DEPTOR: variants seen among roughly 807,000 people sequenced by gnomAD.
DEPTOR encodes the protein DEP domain containing MTOR interacting protein, also known as DEP domain-containing mTOR-interacting protein.
In DEPTOR, 41 loss-of-function variants were observed where a neutral mutation model predicts 41.6. The observed-to-expected ratio is 0.98, with a 90% CI of 0.77 to 1.28. The LOEUF (loss-of-function observed/expected upper bound fraction) is 1.28. Among genes scored for constraint, DEPTOR ranks in the 50% most tolerant of loss-of-function variants. DEPTOR has a pLI of 0.00. For synonymous variants in DEPTOR, 195 were observed against 192.3 expected, an observed-to-expected ratio of 1.01 and a Z score of -0.12; for missense variants, 514 against 527.9, an observed-to-expected ratio of 0.97 and a Z score of 0.26.
chr8:119,950,134 C>T (rs1408373299), intron 3 of DEPTOR, among the ~76,000 whole-genome samples: 1 of 152,174 alleles, frequency 6.6e-6, no homozygotes, highest in East Asian at 1.9e-4. Context: ...GAAAGGACGA[C>T]CCTTTCCTCG....
At chr8:119,952,892 G>A (rs1828371750) in intron 3 of DEPTOR, among the ~76,000 whole-genome samples, 1 of 152,170 alleles carries the variant, frequency 6.6e-6, no homozygotes, top group South Asian at 2.1e-4. Flanking sequence ...CTCGTTGTCA[G>A]ACTATAAAGT....
chr8:119,994,606 G>A (rs1387389323), intron 4 of DEPTOR, among the ~76,000 whole-genome samples: 1 of 152,102 alleles, frequency 6.6e-6, no homozygotes, highest in East Asian at 1.9e-4. Context: ...ACTGCTCGGA[G>A]AAGGGCAATG....
At chr8:119,918,436 ACCTTTATTTATTTATTTATT>A (rs1193386998) in intron 1 of DEPTOR, among the ~76,000 whole-genome samples, 8 of 148,440 alleles carry the variant, frequency 5.4e-5, no homozygotes, top group Admixed American at 4.0e-4. Context: ...GGCATGGACC[ACCTTTATTTATTTATTTATT>A]TATTTATTTA....
chr8:119,971,621 C>T (rs926585896), intron 4 of DEPTOR, among the ~76,000 whole-genome samples: 2 of 152,134 alleles, frequency 1.3e-5, no homozygotes, highest in African/African-American at 4.8e-5. Context: ...CAGGTCCAGA[C>T]TTAGGCAGGT....
chr8:119,988,543 T>A (rs575831056), intron 4 of DEPTOR, among the ~76,000 whole-genome samples: 1 of 152,214 alleles, frequency 6.6e-6, no homozygotes, highest in South Asian at 2.1e-4. Flanking sequence ...AGTGCAGTGG[T>A]GTGATCTTGG....
At chr8:120,019,381 G>C (rs201943029) in intron 8 of DEPTOR, among the ~76,000 whole-genome samples, 1 of 152,100 alleles carries the variant, frequency 6.6e-6, no homozygotes, top group East Asian at 1.9e-4. Flanking sequence ...GTGCACACTG[G>C]TGTCACTCTC....
chr8:119,905,306 G>A (rs1023452446), intron 1 of DEPTOR, among the ~76,000 whole-genome samples: 11 of 152,138 alleles, frequency 7.2e-5, no homozygotes, highest in Non-Finnish European at 1.6e-4. Flanking sequence ...AGAAGGATGT[G>A]CAAGGTGCAA....
intron 4 of DEPTOR, among the ~76,000 whole-genome samples, chr8:119,967,739 G>T (rs1828581467): frequency 7.3e-6 from 1 of 136,246 alleles, no homozygotes; most frequent in African/African-American, 2.9e-5. Flanking sequence ...GGGTGGCAGA[G>T]CAAGACTTCG....
chr8:119,917,956 C>G (rs1827835932), intron 1 of DEPTOR, among the ~76,000 whole-genome samples: 1 of 152,212 alleles, frequency 6.6e-6, no homozygotes, highest in Non-Finnish European at 1.5e-5. Flanking sequence ...ATCTAAAGCA[C>G]AGCACTTAAT....
At chr8:120,048,855 A>G (rs1563603121) in intron 8 of DEPTOR, among the ~76,000 whole-genome samples, 1 of 152,046 alleles carries the variant, frequency 6.6e-6, no homozygotes, top group Admixed American at 6.6e-5. Flanking sequence ...GAAGAGGAGA[A>G]ATTACTTGAT....
At chr8:120,020,707 C>A (rs1170061029) in intron 8 of DEPTOR, among the ~76,000 whole-genome samples, 1 of 152,164 alleles carries the variant, frequency 6.6e-6, no homozygotes, top group Non-Finnish European at 1.5e-5. Context: ...AGCTTCACCA[C>A]TTTTATAGGA....
intron 4 of DEPTOR, among the ~76,000 whole-genome samples, chr8:119,970,872 A>C (rs1278880087): frequency 6.6e-6 from 1 of 151,868 alleles, no homozygotes; most frequent in Non-Finnish European, 1.5e-5. Flanking sequence ...ACACGTGTGC[A>C]ATATCTCCAC....
intron 4 of DEPTOR, among the ~76,000 whole-genome samples, chr8:119,974,235 TAAAAAAAAAAAA>T (rs35885551): frequency 1.1e-4 from 8 of 74,910 alleles, no homozygotes; most frequent in East Asian, 4.8e-4. Context: ...CTTGTCTCTT[TAAAAAAAAAAAA>T]AAAAAAAAAA....
At chr8:120,038,912 C>A (rs888724883) in intron 8 of DEPTOR, among the ~76,000 whole-genome samples, 1 of 152,156 alleles carries the variant, frequency 6.6e-6, no homozygotes, top group African/African-American at 2.4e-5. Flanking sequence ...TGAAATTACA[C>A]ATGTAAAGAG....
chr8:120,049,507 G>A, intron 8 of DEPTOR, 69 bp from the exon 9 acceptor site: 1 of 1,566,048 alleles, frequency 6.4e-7, no homozygotes, highest in Non-Finnish European at 8.7e-7. Context: ...GCTACACACT[G>A]TCTTTATTAA....
At chr8:119,978,718 A>G (rs1319072658) in intron 4 of DEPTOR, among the ~76,000 whole-genome samples, 1 of 152,110 alleles carries the variant, frequency 6.6e-6, no homozygotes, top group East Asian at 1.9e-4. Flanking sequence ...CTCCTTATGC[A>G]GGTATAAACA....
intron 4 of DEPTOR, among the ~76,000 whole-genome samples, chr8:119,992,241 C>A (rs1812184916): frequency 6.6e-6 from 1 of 152,174 alleles, no homozygotes; most frequent in Admixed American, 6.6e-5. Flanking sequence ...CCCCAGCCAC[C>A]CTTGTGCACT....
intron 3 of DEPTOR, among the ~76,000 whole-genome samples, chr8:119,950,395 T>C (rs1828336550): frequency 6.6e-6 from 1 of 152,120 alleles, no homozygotes; most frequent in African/African-American, 2.4e-5. Flanking sequence ...TCATTGTTTC[T>C]TTTTTTAAAT....
chr8:119,971,597 G>A (rs563289727), intron 4 of DEPTOR, among the ~76,000 whole-genome samples: 1 of 152,298 alleles, frequency 6.6e-6, no homozygotes, highest in Admixed American at 6.5e-5. Context: ...GAGGTAAATT[G>A]TTTTCTTCTT....
Sources: allele counts gnomAD v4.1 joint callset (sites outside exome capture counted in the v4.1 genomes callset), GRCh38; gene constraint gnomAD v4.1.1; transcripts MANE v1.5; gene names NCBI Gene and HGNC (gene_info 2026-07-23, HGNC 2026-07-21).